Variants in RIMS2 observed in about 807,000 individuals in gnomAD.
RIMS2 encodes regulating synaptic membrane exocytosis 2, also known as regulating synaptic membrane exocytosis protein 2.
RIMS2 carries 59 observed loss-of-function variants against 174.4 expected under a neutral mutation model. The ratio of observed to expected loss-of-function variants is 0.34; its 90% CI spans 0.27 to 0.42. The LOEUF is 0.42. Among genes scored for constraint, RIMS2 ranks in the 10% least tolerant of loss-of-function variants. The pLI is 1.00. For missense variants in RIMS2, 1,620 were observed against 1,666.3 expected (o/e 0.97, Z 0.48); for synonymous variants, 606 against 572.5 (o/e 1.06, Z -0.84).
At chr8:104,111,084 T>G (rs1426578339) in intron 19 of RIMS2, among the ~76,000 whole-genome samples, 1 of 152,138 alleles carries the variant, frequency 6.6e-6, no homozygotes, top group Non-Finnish European at 1.5e-5. Flanking sequence ...ACTGTAGGGA[T>G]TGATATTATC....
intron 2 of RIMS2, among the ~76,000 whole-genome samples, chr8:103,698,990 T>C (rs1045582809): frequency 2.0e-5 from 3 of 152,156 alleles, no homozygotes; most frequent in African/African-American, 7.2e-5. Flanking sequence ...CAATTTTATT[T>C]GTTGGGAAGG....
intron 1 of RIMS2, among the ~76,000 whole-genome samples, chr8:103,645,512 A>C (rs1432081259): frequency 6.6e-6 from 1 of 152,162 alleles, no homozygotes; most frequent in Non-Finnish European, 1.5e-5. Context: ...CCTTGTAATG[A>C]AAGTCTAGGA....
intron 19 of RIMS2, among the ~76,000 whole-genome samples, chr8:104,149,368 A>T (rs1340262032): frequency 6.6e-6 from 1 of 152,214 alleles, no homozygotes; most frequent in Non-Finnish European, 1.5e-5. Flanking sequence ...CCCTGTTAAA[A>T]CTTCAAACAG....
At chr8:103,676,187 C>G (rs780473579) in intron 1 of RIMS2, among the ~76,000 whole-genome samples, 2 of 151,812 alleles carry the variant, frequency 1.3e-5, no homozygotes, top group African/African-American at 2.4e-5. Flanking sequence ...TTTCATACAC[C>G]CTTACAAATG....
intron 17 of RIMS2, among the ~76,000 whole-genome samples, chr8:103,994,985 T>C (rs1349028341): frequency 6.6e-6 from 1 of 152,018 alleles, no homozygotes; most frequent in Non-Finnish European, 1.5e-5. Context: ...CTGTTATTCT[T>C]AAGTAATTTT....
intron 19 of RIMS2, among the ~76,000 whole-genome samples, chr8:104,032,062 T>C (rs1445026034): frequency 6.6e-6 from 1 of 152,072 alleles, no homozygotes; most frequent in Admixed American, 6.6e-5. Flanking sequence ...TTTACATATT[T>C]GATTATGTTG....
chr8:103,764,897 GA>G (rs1334842048), intron 2 of RIMS2, among the ~76,000 whole-genome samples: 1 of 151,946 alleles, frequency 6.6e-6, no homozygotes, highest in East Asian at 1.9e-4. Flanking sequence ...TAATTGGGGA[GA>G]AAAGAAATGT....
At chr8:104,040,676 T>C (rs976727543) in intron 19 of RIMS2, among the ~76,000 whole-genome samples, 1 of 151,768 alleles carries the variant, frequency 6.6e-6, no homozygotes, top group South Asian at 2.1e-4. Flanking sequence ...TTTTTAATGC[T>C]GAAATGAAGC....
At chr8:103,631,016 A>G (rs140216685) in intron 1 of RIMS2, among the ~76,000 whole-genome samples, 9 of 152,168 alleles carry the variant, frequency 5.9e-5, no homozygotes, top group Non-Finnish European at 7.3e-5. Flanking sequence ...GATGTTGGAT[A>G]TTAGATCTTT....
At chr8:103,706,029 G>A (rs1247836054) in intron 2 of RIMS2, among the ~76,000 whole-genome samples, 1 of 150,424 alleles carries the variant, frequency 6.6e-6, no homozygotes, top group Non-Finnish European at 1.5e-5. Flanking sequence ...TTTTTTCCTG[G>A]TATTATATTT....
intron 3 of RIMS2, among the ~76,000 whole-genome samples, chr8:103,786,263 T>C (rs2098442855): frequency 6.6e-6 from 1 of 152,214 alleles, no homozygotes; most frequent in South Asian, 2.1e-4. Context: ...TTTGTGTCTC[T>C]ATTTCCTTCA....
At position 103,936,774 on chromosome 8, in the gene RIMS2, T is replaced by C. The variant is rs749401462; in HGVS notation, c.2547+52T>C. The C allele has an allele frequency of 3.5e-5, 46 of 1,322,090 alleles. No homozygotes were observed. In the African/African-American group the frequency reaches 6.4e-4, roughly 18 times the overall value. The allele number at this position is 1,322,090 out of a possible 1,614,324, so 81.9% of individuals were successfully genotyped here. ...GCTATTCATGTTATCCTGAATACTT[T>C]TATTTATATAACTGTCAGTATAATT... On this transcript the variant is annotated intron_variant, in intron 13 of 23. Transcript: ENST00000504942.
At chr8:103,898,562 T>A (rs2099306437) in intron 4 of RIMS2, among the ~76,000 whole-genome samples, 1 of 151,552 alleles carries the variant, frequency 6.6e-6, no homozygotes, top group Non-Finnish European at 1.5e-5. Context: ...TCAATGCACC[T>A]GCTTTTTTAG....
chr8:104,140,562 A>G (rs2098557286), intron 19 of RIMS2, among the ~76,000 whole-genome samples: 1 of 152,172 alleles, frequency 6.6e-6, no homozygotes, highest in African/African-American at 2.4e-5. Context: ...TGGTACCTCT[A>G]GGTAGATAAT....
At chr8:104,223,492 C>T (rs2099166176) in intron 19 of RIMS2, 1 of 1,387,444 alleles carries the variant, frequency 7.2e-7, no homozygotes. Context: ...AGCCACGTCT[C>T]CTCCGGGCTG....
intron 19 of RIMS2, among the ~76,000 whole-genome samples, chr8:104,166,191 C>T (rs1178991309): frequency 1.3e-5 from 2 of 150,968 alleles, no homozygotes; most frequent in African/African-American, 2.4e-5. Flanking sequence ...CTCAGCCTCC[C>T]GAGTAGCTGG....
chr8:103,854,815 C>T (rs1198110017), intron 3 of RIMS2, among the ~76,000 whole-genome samples: 1 of 151,786 alleles, frequency 6.6e-6, no homozygotes, highest in African/African-American at 2.4e-5. Flanking sequence ...GGATATTGGC[C>T]TGATGTTTTC....
At chr8:103,590,522 A>G (rs908031122) in intron 1 of RIMS2, among the ~76,000 whole-genome samples, 1 of 151,264 alleles carries the variant, frequency 6.6e-6, no homozygotes. Context: ...ACAACTTACC[A>G]TGAAAAATTT....
chr8:103,561,654 T>G (rs2091615860), intron 1 of RIMS2, among the ~76,000 whole-genome samples: 1 of 152,224 alleles, frequency 6.6e-6, no homozygotes. Context: ...TATCTTGAGT[T>G]AATAAATGTT....
Sources: gnomAD v4.1 joint callset for allele counts (sites outside exome capture counted in the v4.1 genomes callset) on GRCh38, gnomAD v4.1.1 for gene constraint, MANE v1.5 for transcripts, NCBI Gene and HGNC (gene_info 2026-07-23, HGNC 2026-07-21) for gene names.